Variants in SPOCK1 observed in about 807,000 individuals in gnomAD.
The protein encoded by SPOCK1 is testican-1.
In SPOCK1, 23 loss-of-function variants were observed where a neutral mutation model predicts 55.3. The observed-to-expected ratio is 0.42, with a 90% confidence interval of 0.30 to 0.59. SPOCK1 has a LOEUF of 0.59. SPOCK1 is among the 20% of genes least tolerant of loss of function. The probability of loss-of-function intolerance (pLI) is 0.22; values close to 1 mark genes in which losing one functional copy is unlikely to be tolerated. For synonymous variants in SPOCK1, 226 were observed against 221.0 expected, an observed-to-expected ratio of 1.02 and a Z score of -0.20; for missense variants, 499 against 552.5, an observed-to-expected ratio of 0.90 and a Z score of 0.97.
At chr5:137,311,590 T>TAA (rs1228810789) in intron 2 of SPOCK1, among the ~76,000 whole-genome samples, 3 of 152,250 alleles carry the variant, frequency 2.0e-5, no homozygotes, top group African/African-American at 7.2e-5. Flanking sequence ...ACTCCGCTCT[T>TAA]TTCCTTCAGT....
At chr5:137,057,192 C>T (rs1752318202) in intron 6 of SPOCK1, among the ~76,000 whole-genome samples, 1 of 151,976 alleles carries the variant, frequency 6.6e-6, no homozygotes, top group Non-Finnish European at 1.5e-5. Context: ...TGCCATAGAG[C>T]GCTGCTCACT....
intron 5 of SPOCK1, among the ~76,000 whole-genome samples, chr5:137,074,447 A>AGTAC (rs1411148620): frequency 1.3e-5 from 2 of 152,194 alleles, no homozygotes; most frequent in African/African-American, 4.8e-5. Flanking sequence ...TTCAGGGGAA[A>AGTAC]GTACGTATGT....
At chr5:137,467,726 C>T (rs28627843) in intron 2 of SPOCK1, among the ~76,000 whole-genome samples, 8,989 of 152,154 alleles carry the variant, frequency 0.059, 876 homozygotes, top group African/African-American at 0.2. Flanking sequence ...GGTAAAGAGA[C>T]AGCATTTCAG....
At position 136,975,932 on chromosome 5, in the gene SPOCK1, C is replaced by T. The variant is rs1366375133; in HGVS notation, c.*2722G>A. 2.0e-5 allele frequency: 3 copies of T among 152,154 alleles called. No individual in the cohort carries two copies. The highest frequency in any genetic ancestry group is 7.2e-5 in the African/African-American group (3 of 41,440). The allele number at this position is 152,154 out of a possible 1,614,324, so 9.4% of individuals were successfully genotyped here. On this transcript the variant is annotated 3_prime_UTR_variant, in exon 11 of 11. Coordinates refer to ENST00000394945, the MANE Select transcript of SPOCK1 (RefSeq NM_004598.4). ...ATAAAACTGTTCATTAAGAACTTTT[C>T]AAAAGTGAATTAGTGAGGATTCAGC... is the stretch of plus-strand genomic sequence containing the variant.
rs116600527 is a variant in SPOCK1, at chr5:137,476,130, A to G, written c.186+22243T>C. Among the ~76,000 whole-genome samples, 1,098 of 151,810 alleles carry G rather than the reference A, an allele frequency of 7.2e-3. 10 individuals are homozygous for G. The highest frequency in any genetic ancestry group is 0.025 in the African/African-American group (1,039 of 41,378). Reference sequence around the variant, plus strand: ...GGGGGTTTTTTGTACACATTATTTCATCATCCAGGTATTAAGCCTAGTATC... The same window carrying G: ...GGGGGTTTTTTGTACACATTATTTCGTCATCCAGGTATTAAGCCTAGTATC... On this transcript the variant is annotated intron_variant, in intron 2 of 10. Transcript: ENST00000394945.
At chr5:137,396,116 A>C (rs190454324) in intron 2 of SPOCK1, among the ~76,000 whole-genome samples, 2 of 152,330 alleles carry the variant, frequency 1.3e-5, no homozygotes, top group East Asian at 1.9e-4. Context: ...TTTAAGCCTC[A>C]GAACCCAGAC....
At chr5:137,290,156 A>G (rs1166334051) in intron 2 of SPOCK1, among the ~76,000 whole-genome samples, 1 of 152,256 alleles carries the variant, frequency 6.6e-6, no homozygotes, top group Admixed American at 6.5e-5. Flanking sequence ...AGAAATGTTC[A>G]TAAGCAGAAA....
At chr5:137,285,597 G>A (rs1757249001) in intron 2 of SPOCK1, among the ~76,000 whole-genome samples, 1 of 152,202 alleles carries the variant, frequency 6.6e-6, no homozygotes, top group South Asian at 2.1e-4. Context: ...ACTCACACCT[G>A]TGGTAACTAT....
intron 3 of SPOCK1, among the ~76,000 whole-genome samples, chr5:137,168,680 G>C (rs1202566016): frequency 6.6e-6 from 1 of 152,138 alleles, no homozygotes. Flanking sequence ...AGTTAAGATG[G>C]CTTTTTTCCA....
At chr5:137,175,135 G>C (rs139094060) in intron 3 of SPOCK1, among the ~76,000 whole-genome samples, 1 of 152,290 alleles carries the variant, frequency 6.6e-6, no homozygotes, top group East Asian at 1.9e-4. Context: ...AATTACTATG[G>C]AAATGAGTTA....
intron 2 of SPOCK1, among the ~76,000 whole-genome samples, chr5:137,430,735 T>C (rs1176267112): frequency 6.6e-6 from 1 of 152,200 alleles, no homozygotes; most frequent in Non-Finnish European, 1.5e-5. Flanking sequence ...GCTTTAGAAT[T>C]CTAATTAAGG....
At chr5:137,348,090 A>T (rs1216480679) in intron 2 of SPOCK1, among the ~76,000 whole-genome samples, 1 of 152,210 alleles carries the variant, frequency 6.6e-6, no homozygotes, top group Non-Finnish European at 1.5e-5. Flanking sequence ...GCCCAGAGAC[A>T]GCAGGGCCAA....
At chr5:137,273,211 G>T (rs963175387) in intron 2 of SPOCK1, among the ~76,000 whole-genome samples, 7 of 152,176 alleles carry the variant, frequency 4.6e-5, no homozygotes, top group Non-Finnish European at 8.8e-5. Context: ...TTGATAAATT[G>T]CATCCCTTGG....
At chr5:137,222,289 G>T (rs978032560) in intron 3 of SPOCK1, among the ~76,000 whole-genome samples, 10 of 152,098 alleles carry the variant, frequency 6.6e-5, no homozygotes, top group African/African-American at 1.9e-4. Context: ...CTCTCTTTGG[G>T]TAAGGCCAAG....
At chr5:137,158,079 C>T (rs967785944) in intron 3 of SPOCK1, among the ~76,000 whole-genome samples, 2 of 152,144 alleles carry the variant, frequency 1.3e-5, no homozygotes, top group Non-Finnish European at 2.9e-5. Flanking sequence ...AAAAAGAAAA[C>T]TTGCCACAAA....
intron 4 of SPOCK1, among the ~76,000 whole-genome samples, chr5:137,120,655 T>C (rs556056569): frequency 5.4e-4 from 82 of 152,332 alleles, no homozygotes; most frequent in African/African-American, 1.8e-3. Context: ...AAAGTAGGAT[T>C]GAGGACATGA....
chr5:137,239,399 A>T (rs1316366483), intron 3 of SPOCK1, among the ~76,000 whole-genome samples: 1 of 152,182 alleles, frequency 6.6e-6, no homozygotes, highest in Non-Finnish European at 1.5e-5. Flanking sequence ...TAAGCAAAGT[A>T]TTTACCTGTG....
At chr5:137,179,911 C>T (rs370657516) in intron 3 of SPOCK1, among the ~76,000 whole-genome samples, 118 of 152,338 alleles carry the variant, frequency 7.7e-4, no homozygotes, top group African/African-American at 2.7e-3. Flanking sequence ...ACCCCTCCTA[C>T]CTTGCCACTG....
At chr5:137,026,818 G>A (rs540730540) in intron 6 of SPOCK1, among the ~76,000 whole-genome samples, 1 of 152,300 alleles carries the variant, frequency 6.6e-6, no homozygotes, top group African/African-American at 2.4e-5. Flanking sequence ...AAAAGGAACA[G>A]CAGGCTGGAT....
Sources: gnomAD v4.1 joint callset for allele counts (sites outside exome capture counted in the v4.1 genomes callset) on GRCh38, gnomAD v4.1.1 for gene constraint, MANE v1.5 for transcripts, NCBI Gene and HGNC (gene_info 2026-07-23, HGNC 2026-07-21) for gene names.